The following SEMA3E variants were observed in gnomAD, a reference collection of about 807,000 sequenced individuals.
SEMA3E encodes semaphorin-3E.
A neutral mutation model predicts 93.6 loss-of-function variants in SEMA3E; 49 were observed. The ratio of observed to expected loss-of-function variants is 0.52; its 90% CI spans 0.42 to 0.66. SEMA3E has a LOEUF of 0.66. Among genes scored for constraint, SEMA3E ranks in the 30% least tolerant of loss-of-function variants. The pLI is 0.00. For synonymous variants in SEMA3E, 363 were observed against 330.7 expected, an observed-to-expected ratio of 1.10 and a Z score of -1.06; for missense variants, 906 against 964.8, an observed-to-expected ratio of 0.94 and a Z score of 0.81.
At chr7:83,632,853 T>C (rs746170308) in intron 1 of SEMA3E, among the ~76,000 whole-genome samples, 2 of 152,202 alleles carry the variant, frequency 1.3e-5, no homozygotes, top group South Asian at 4.1e-4. Flanking sequence ...GAATTCCTTG[T>C]CAGGCAGTAA....
At chr7:83,368,156 TG>T in intron 16 of SEMA3E, 118 bp from the exon 17 acceptor site, 1 of 861,356 alleles carries the variant, frequency 1.2e-6, no homozygotes, top group Non-Finnish European at 1.9e-6. Context: ...AATGAAACCC[TG>T]AAAATCATAC....
Position 83,367,709 on chromosome 7 carries a change from TG to T in SEMA3E, c.2204del (p.Thr735LysfsTer51). 1 of 1,614,094 alleles carries T rather than the reference TG, an allele frequency of 6.2e-7. No homozygotes were observed. Among genetic ancestry groups the T allele is most frequent in the Non-Finnish European group, 8.5e-7 (1 of 1,180,000 alleles). On this transcript the variant is annotated frameshift_variant, in exon 17 of 17. Transcript: ENST00000643230. LOFTEE classifies it high-confidence loss of function. ...TTTTAAGCTTTTTCCTCTTTCTATC[TG>T]TGCACCATACTTTCTCGCAGTATTC... ...VEEYCEKVWC[T>X]DRKRKKLKMS...
At chr7:83,442,405 C>T (rs138911878) in intron 4 of SEMA3E, among the ~76,000 whole-genome samples, 2 of 152,256 alleles carry the variant, frequency 1.3e-5, no homozygotes, top group Non-Finnish European at 2.9e-5. Flanking sequence ...TGTTTGGAAA[C>T]AAGGCAGGCA....
At chr7:83,507,160 A>G (rs1324075479) in intron 1 of SEMA3E, among the ~76,000 whole-genome samples, 2 of 152,156 alleles carry the variant, frequency 1.3e-5, no homozygotes, top group African/African-American at 4.8e-5. Context: ...GCCATCCATC[A>G]TCTAGTCAAA....
At chr7:83,492,547 T>C (rs2723006) in intron 1 of SEMA3E, among the ~76,000 whole-genome samples, 76,628 of 151,744 alleles carry the variant, frequency 0.5, 19,799 homozygotes, top group South Asian at 0.68. Context: ...CACCTTCTCT[T>C]GTAACCTATT....
chr7:83,494,818 C>T (rs1041049727), intron 1 of SEMA3E, among the ~76,000 whole-genome samples: 1 of 151,922 alleles, frequency 6.6e-6, no homozygotes. Flanking sequence ...ATAGCTCCTG[C>T]ATTTCCCAAT....
Position 83,364,409 on chromosome 7 carries a change from G to T in SEMA3E, c.*3177C>A, listed in dbSNP as rs1008188045. ...TAGAAAAAACTCTAAAATATGTATG[G>T]AATTGCCACTTACTAAACAGGCAGA... is the stretch of plus-strand genomic sequence containing the variant. On this transcript the variant is annotated 3_prime_UTR_variant, in exon 17 of 17. Coordinates refer to ENST00000643230, the MANE Select transcript of SEMA3E (RefSeq NM_012431.3). The T allele has an allele frequency of 2.0e-5, 3 of 152,086 alleles. No homozygotes were observed. Among genetic ancestry groups the T allele is most frequent in the Non-Finnish European group, 4.4e-5 (3 of 68,022 alleles). The allele number at this position is 152,086 out of a possible 1,614,324, so 9.4% of individuals were successfully genotyped here.
chr7:83,387,615 C>A (rs1787906319), intron 14 of SEMA3E, among the ~76,000 whole-genome samples: 1 of 151,506 alleles, frequency 6.6e-6, no homozygotes, highest in African/African-American at 2.4e-5. Context: ...ATAACATTGC[C>A]TCTATTCAAT....
At chr7:83,398,163 T>C (rs558098021) in intron 11 of SEMA3E, among the ~76,000 whole-genome samples, 2 of 149,952 alleles carry the variant, frequency 1.3e-5, no homozygotes, top group South Asian at 2.1e-4. Flanking sequence ...GACTTAAGCA[T>C]GGTGTATATG....
chr7:83,411,839 C>T (rs1788444470), intron 5 of SEMA3E, among the ~76,000 whole-genome samples: 1 of 152,110 alleles, frequency 6.6e-6, no homozygotes, highest in Non-Finnish European at 1.5e-5. Context: ...TTTAGGGCTT[C>T]AGTTATAACA....
intron 1 of SEMA3E, among the ~76,000 whole-genome samples, chr7:83,587,953 T>C (rs970231073): frequency 1.3e-5 from 2 of 152,116 alleles, no homozygotes; most frequent in African/African-American, 4.8e-5. Flanking sequence ...TATCACTAGA[T>C]TAATTTGCTT....
chr7:83,491,265 C>T (rs1790376417), intron 1 of SEMA3E, among the ~76,000 whole-genome samples: 1 of 151,980 alleles, frequency 6.6e-6, no homozygotes, highest in African/African-American at 2.4e-5. Context: ...GAAGTATATG[C>T]CTCTGTATTA....
In SEMA3E at chr7:83,367,942, C is replaced by T; in HGVS notation, c.1972G>A (p.Glu658Lys). 1 of 1,613,340 alleles carries T rather than the reference C, an allele frequency of 6.2e-7. No homozygotes were observed. The highest frequency in any genetic ancestry group is 8.5e-7 in the Non-Finnish European group (1 of 1,179,694). Reference sequence around the variant, plus strand: ...CGGACCGTATGGACAAAGCTATGCTCTACTGTCTGGCAAAAATAGGTCCCA... The same window carrying T: ...CGGACCGTATGGACAAAGCTATGCTTTACTGTCTGGCAAAAATAGGTCCCA... ...DAGTYFCQTVEHSFVHTVRKI... is the reference protein window; with the variant it reads ...DAGTYFCQTVKHSFVHTVRKI... Residue 658 changes from glutamate (E) to lysine (K), a missense_variant, in exon 17 of 17, where the codon GAG becomes AAG. Glu to Lys is a moderately conservative substitution (Grantham distance 56, BLOSUM62 1). Coordinates refer to ENST00000643230, the MANE Select transcript of SEMA3E (RefSeq NM_012431.3).
intron 1 of SEMA3E, among the ~76,000 whole-genome samples, chr7:83,518,815 A>G (rs530508229): frequency 6.6e-6 from 1 of 152,048 alleles, no homozygotes; most frequent in Admixed American, 6.6e-5. Context: ...TCTCCTTTCT[A>G]CTATTTCACA....
chr7:83,464,929 G>C (rs1789718101), intron 4 of SEMA3E, among the ~76,000 whole-genome samples: 1 of 151,186 alleles, frequency 6.6e-6, no homozygotes, highest in African/African-American at 2.4e-5. Context: ...AATATAAGAA[G>C]GCAGGAATGT....
At chr7:83,475,327 G>A (rs988037887) in intron 2 of SEMA3E, among the ~76,000 whole-genome samples, 2 of 152,064 alleles carry the variant, frequency 1.3e-5, no homozygotes, top group Non-Finnish European at 2.9e-5. Context: ...ATTCTCCATA[G>A]CGTTTTTATA....
At chr7:83,621,577 C>T (rs958797700) in intron 1 of SEMA3E, among the ~76,000 whole-genome samples, 2 of 152,144 alleles carry the variant, frequency 1.3e-5, no homozygotes, top group African/African-American at 4.8e-5. Flanking sequence ...GGAGGCATCA[C>T]ACTACCCGAC....
At position 83,563,215 on chromosome 7, in the gene SEMA3E, C is replaced by T. The variant is rs150144006; in HGVS notation, c.116-72941G>A. ...GATCAACACAGACAAACTCTCTGGC[C>T]TCATGCAGCTTATGGTGTCATGATT... On this transcript the variant is annotated intron_variant, in intron 1 of 16. Transcript: ENST00000643230. Among the ~76,000 whole-genome samples the T allele has an allele frequency of 1.7e-3, 258 of 152,232 alleles. 1 individual carries two copies. The highest frequency in any genetic ancestry group is 6.0e-3 in the African/African-American group (248 of 41,554).
chr7:83,510,705 A>T (rs947338810), intron 1 of SEMA3E, among the ~76,000 whole-genome samples: 1 of 152,138 alleles, frequency 6.6e-6, no homozygotes, highest in African/African-American at 2.4e-5. Context: ...TGAGATAGAA[A>T]CTCACTCTAT....
Sources: gnomAD v4.1 joint callset for allele counts (sites outside exome capture counted in the v4.1 genomes callset) on GRCh38, gnomAD v4.1.1 for gene constraint, MANE v1.5 for transcripts, NCBI Gene and HGNC (gene_info 2026-07-23, HGNC 2026-07-21) for gene names.